The following DNAI1 variants were observed in gnomAD, a reference collection of about 807,000 sequenced individuals.
DNAI1 encodes dynein axonemal intermediate chain 1.
A neutral mutation model predicts 92.0 loss-of-function variants in DNAI1; 67 were observed. The ratio of observed to expected loss-of-function variants is 0.73; its 90% CI spans 0.60 to 0.89. The LOEUF is 0.89. Among genes scored for constraint, DNAI1 ranks in the 40% least tolerant of loss-of-function variants. DNAI1 has a pLI of 0.00. For synonymous variants in DNAI1, 323 were observed against 319.6 expected (o/e 1.01, Z -0.11); for missense variants, 839 against 866.6 (o/e 0.97, Z 0.40).
intron 13 of DNAI1, 106 bp downstream of exon 13, chr9:34,506,980 G>A: frequency 6.7e-7 from 1 of 1,496,508 alleles, no homozygotes; most frequent in East Asian, 2.4e-5. Context: ...GCAAGGAGAT[G>A]AGGATGGCAG....
chr9:34,485,805 T>C (rs1824457695), intron 4 of DNAI1, among the ~76,000 whole-genome samples: 1 of 152,224 alleles, frequency 6.6e-6, no homozygotes, highest in African/African-American at 2.4e-5. Context: ...TTCTGATATA[T>C]GTAACACATT....
intron 1 of DNAI1, among the ~76,000 whole-genome samples, chr9:34,461,630 A>G (rs900572978): frequency 3.3e-5 from 5 of 152,272 alleles, no homozygotes; most frequent in Admixed American, 6.5e-5. Context: ...GACAGCAGAC[A>G]GAAAGCAGAA....
chr9:34,477,201 T>G (rs930371697), intron 1 of DNAI1, among the ~76,000 whole-genome samples: 2 of 151,944 alleles, frequency 1.3e-5, no homozygotes, highest in African/African-American at 4.8e-5. Context: ...AATTTTTATG[T>G]GGAGATGGGG....
intron 11 of DNAI1, 77 bp from the exon 12 acceptor site, chr9:34,501,061 T>C (rs1824822502): frequency 2.4e-6 from 3 of 1,245,638 alleles, no homozygotes; most frequent in Non-Finnish European, 3.6e-6. Context: ...TAGGCACCAG[T>C]GCCAATGGGA....
In DNAI1 at chr9:34,505,139, A is replaced by T. The variant is rs1824899467; in HGVS notation, c.1064-1488A>T. Among the ~76,000 whole-genome samples, 5 of 152,310 alleles carry T rather than the reference A, an allele frequency of 3.3e-5. No individual in the cohort carries two copies. In the South Asian group the frequency reaches 1.0e-3, roughly 32 times the overall value. On this transcript the variant is annotated intron_variant, in intron 12 of 19. Transcript: ENST00000242317. The stretch of plus-strand genomic sequence containing the variant: ...ATTTAATGGCTTAAAATAACACAAA[A>T]TTATCATATAGTTCTGGAGGTCAGA...
At chr9:34,459,638 GT>G (rs1823906588) in intron 1 of DNAI1, among the ~76,000 whole-genome samples, 1 of 152,060 alleles carries the variant, frequency 6.6e-6, no homozygotes. Context: ...TAGAGACGGG[GT>G]TTCCCCATGT....
chr9:34,496,016 C>T (rs1824715462), intron 9 of DNAI1, among the ~76,000 whole-genome samples: 1 of 152,180 alleles, frequency 6.6e-6, no homozygotes, highest in Admixed American at 6.5e-5. Flanking sequence ...CCCTTCGCTG[C>T]ACTACTCTGC....
Position 34,520,796 on chromosome 9 carries a change from T to C in DNAI1, c.*40T>C. On this transcript the variant is annotated 3_prime_UTR_variant, in exon 20 of 20. Transcript: ENST00000242317. Reference sequence around the variant, plus strand: ...TCTCTGTCCCATCGCTTGAATACAGTACTCCTAGGGCTTGACCCTGGTACC... The same window carrying C: ...TCTCTGTCCCATCGCTTGAATACAGCACTCCTAGGGCTTGACCCTGGTACC... 6.5e-7 allele frequency: 1 copy of C among 1,542,072 alleles called. No individual in the cohort carries two copies. The highest frequency in any genetic ancestry group is 8.8e-7 in the Non-Finnish European group (1 of 1,138,416).
intron 1 of DNAI1, among the ~76,000 whole-genome samples, chr9:34,471,877 A>G (rs1431939606): frequency 6.6e-6 from 1 of 152,204 alleles, no homozygotes; most frequent in Non-Finnish European, 1.5e-5. Context: ...AAGATTAAAC[A>G]TCCATCCACA....
intron 1 of DNAI1, among the ~76,000 whole-genome samples, chr9:34,463,837 C>T (rs1261323873): frequency 6.6e-6 from 1 of 152,078 alleles, no homozygotes; most frequent in Non-Finnish European, 1.5e-5. Flanking sequence ...AGTGAGTGGG[C>T]AGGGTTGGGC....
intron 7 of DNAI1, among the ~76,000 whole-genome samples, chr9:34,491,052 C>A (rs1270709744): frequency 6.6e-6 from 1 of 152,204 alleles, no homozygotes; most frequent in African/African-American, 2.4e-5. Flanking sequence ...CCTATGCTAA[C>A]ATTTGGTAAT....
At chr9:34,489,620 C>T (rs535554792) in intron 5 of DNAI1, among the ~76,000 whole-genome samples, 171 bp downstream of exon 5, 38 of 152,238 alleles carry the variant, frequency 2.5e-4, no homozygotes, top group African/African-American at 8.7e-4. Flanking sequence ...GAGGCTGAGG[C>T]GGGCGGATCA....
At chr9:34,472,067 T>G (rs1198965205) in intron 1 of DNAI1, among the ~76,000 whole-genome samples, 3 of 152,336 alleles carry the variant, frequency 2.0e-5, no homozygotes, top group African/African-American at 7.2e-5. Context: ...AATTATTCAT[T>G]CTAAGCCCTC....
intron 13 of DNAI1, 119 bp downstream of exon 13, chr9:34,506,993 A>G: frequency 5.5e-6 from 8 of 1,447,826 alleles, no homozygotes; most frequent in Non-Finnish European, 7.5e-6. Context: ...GATGGCAGGT[A>G]CCATCAGGTC....
intron 10 of DNAI1, among the ~76,000 whole-genome samples, chr9:34,500,235 G>A (rs1422158511): frequency 6.6e-6 from 1 of 152,124 alleles, no homozygotes; most frequent in Non-Finnish European, 1.5e-5. Flanking sequence ...ACCCATGGGG[G>A]ATCTAGGCAG....
Position 34,490,024 on chromosome 9 carries a change from CTGT to C in DNAI1, c.402_404del (p.Val135del). On this transcript the variant is annotated inframe_deletion, in exon 6 of 20. Transcript: ENST00000242317. ...GTATCCTACCAAGGTTCTCAGGAGT[CTGT>C]CAAGGTGATTTCAGAAACAGGAAAC... 1 of 1,614,138 alleles carries C rather than the reference CTGT, an allele frequency of 6.2e-7. No homozygotes were observed. Among genetic ancestry groups the C allele is most frequent in the South Asian group, 1.1e-5 (1 of 91,066 alleles).
chr9:34,489,929 A>T (rs1824550880), intron 5 of DNAI1, 83 bp from the exon 6 acceptor site: 1 of 1,568,632 alleles, frequency 6.4e-7, no homozygotes, highest in African/African-American at 1.4e-5. Context: ...GGAAAACCCC[A>T]GGCAGAAACC....
intron 2 of DNAI1, 64 bp from the exon 3 acceptor site, chr9:34,485,078 G>C (rs1587067308): frequency 1.3e-6 from 2 of 1,533,910 alleles, no homozygotes; most frequent in East Asian, 4.5e-5. Context: ...GAATGAAGGG[G>C]CTTTCTGTAT....
At position 34,501,152 on chromosome 9, in the gene DNAI1, G is replaced by A. The variant is rs1824824371; in HGVS notation, c.1034G>A (p.Arg345Lys). Residue 345 changes from arginine to lysine, a missense_variant, in exon 12 of 20, where the codon AGG (arginine) becomes AAG (lysine). Coordinates refer to ENST00000242317, the MANE Select transcript of DNAI1 (RefSeq NM_012144.4). Reference protein sequence around the residue: ...VTALCWNPKYRDLFAVGYGSY... With the variant: ...VTALCWNPKYKDLFAVGYGSY... Reference sequence around the variant, plus strand: ...TTTTTTTGCAGGAATCCAAAGTACAGGGATCTGTTTGCAGTGGGATATGGC... The same window carrying A: ...TTTTTTTGCAGGAATCCAAAGTACAAGGATCTGTTTGCAGTGGGATATGGC... The A allele has an allele frequency of 6.2e-7, 1 of 1,613,744 alleles. No homozygotes were observed. Among genetic ancestry groups the A allele is most frequent in the African/African-American group, 1.3e-5 (1 of 74,908 alleles).
Sources: gnomAD v4.1 joint callset for allele counts (sites outside exome capture counted in the v4.1 genomes callset) on GRCh38, gnomAD v4.1.1 for gene constraint, MANE v1.5 for transcripts, NCBI Gene and HGNC (gene_info 2026-07-23, HGNC 2026-07-21) for gene names.